The following SLC35A3 variants were observed in gnomAD, a reference collection of about 807,000 sequenced individuals.
The protein encoded by SLC35A3 is UDP-N-acetylglucosamine transporter.
A neutral mutation model predicts 39.0 loss-of-function variants in SLC35A3; 26 were observed. That is an observed-to-expected ratio of 0.67 (90% CI 0.49 to 0.92). The LOEUF is 0.92. Among genes scored for constraint, SLC35A3 ranks in the 40% least tolerant of loss-of-function variants. SLC35A3 has a pLI of 0.00. For missense variants in SLC35A3, 299 were observed against 371.6 expected, an observed-to-expected ratio of 0.80 and a Z score of 1.61; for synonymous variants, 135 against 133.1, an observed-to-expected ratio of 1.01 and a Z score of -0.10.
intron 2 of SLC35A3, among the ~76,000 whole-genome samples, chr1:99,998,155 C>CTTT (rs544309699): frequency 6.7e-5 from 9 of 133,720 alleles, no homozygotes; most frequent in African/African-American, 2.5e-4. Flanking sequence ...AGTCACATTT[C>CTTT]TTTTTTTTTT....
chr1:99,979,063 A>T (rs533692303), intron 1 of SLC35A3: 16 of 152,228 alleles, frequency 1.1e-4, no homozygotes, highest in Non-Finnish European at 2.1e-4. Flanking sequence ...ATAGATGTAG[A>T]ATTGGAAACA....
intron 1 of SLC35A3, 56 bp from the exon 2 acceptor site, chr1:99,993,481 A>C: frequency 6.9e-7 from 1 of 1,439,798 alleles, no homozygotes; most frequent in Admixed American, 1.9e-5. Flanking sequence ...TTTTAAATAT[A>C]CTAGTTTTCA....
intron 3 of SLC35A3, 29 bp downstream of exon 3, chr1:99,999,444 A>T (rs1407585084): frequency 1.3e-6 from 2 of 1,514,992 alleles, no homozygotes; most frequent in African/African-American, 1.4e-5. Flanking sequence ...TTTCTTTTTT[A>T]AAAAAACTTT....
At chr1:99,989,442 C>G (rs760401385) in intron 1 of SLC35A3, among the ~76,000 whole-genome samples, 1 of 151,970 alleles carries the variant, frequency 6.6e-6, no homozygotes, top group Non-Finnish European at 1.5e-5. Flanking sequence ...TGCAAGCATG[C>G]CTGGCTAATT....
Position 100,015,260 on chromosome 1 carries a change from A to T in SLC35A3, c.635-42A>T, listed in dbSNP as rs887881404. ...CAGTGGAAAAAATATATCTCTTCAGACAAACTAAACGATATATCATGTAGA... is the reference window on the plus strand; with the variant it reads ...CAGTGGAAAAAATATATCTCTTCAGTCAAACTAAACGATATATCATGTAGA... On this transcript the variant is annotated intron_variant, in intron 5 of 7. Transcript: ENST00000533028. The T allele has an allele frequency of 2.0e-6, 3 of 1,491,908 alleles. No individual in the cohort carries two copies. The Admixed American group carries it at 6.8e-5, about 34-fold the overall frequency. 92.4% of individuals were successfully genotyped at this position (1,491,908 alleles called of 1,614,324 possible). A position where few individuals can be genotyped will look rare whatever the true frequency, so the allele number is the denominator to read the frequency against.
intron 3 of SLC35A3, chr1:100,000,855 C>T (rs1235369682): frequency 6.6e-6 from 1 of 151,602 alleles, no homozygotes. Context: ...CTTATGTTTA[C>T]ATCTTTAATC....
At chr1:99,988,655 C>T (rs1657893906) in intron 1 of SLC35A3, among the ~76,000 whole-genome samples, 1 of 147,440 alleles carries the variant, frequency 6.8e-6, no homozygotes, top group African/African-American at 2.5e-5. Context: ...CTCTCCTCCC[C>T]TCCTCTCGTT....
intron 5 of SLC35A3, among the ~76,000 whole-genome samples, chr1:100,013,914 C>T (rs1346244804): frequency 3.3e-5 from 5 of 152,112 alleles, no homozygotes; most frequent in South Asian, 2.1e-4. Context: ...AATTGCTTTA[C>T]GCTTGCACTC....
chr1:100,002,215 T>C (rs1039196461), intron 3 of SLC35A3, among the ~76,000 whole-genome samples: 2 of 152,194 alleles, frequency 1.3e-5, no homozygotes, highest in African/African-American at 4.8e-5. Flanking sequence ...ATAAGTTCAG[T>C]AGAATTCAGA....
chr1:100,033,733 A>G lies in SLC35A3; in HGVS notation c.*11257A>G, dbSNP rs2101562770. On this transcript the variant is annotated 3_prime_UTR_variant, in exon 8 of 8. Coordinates refer to ENST00000533028, the MANE Select transcript of SLC35A3 (RefSeq NM_012243.3). ...CCGTCAGTGAATATATTATCTGTTC[A>G]TATTTTCTGTAGTCTTATTTCTTTT... is the stretch of plus-strand genomic sequence containing the variant. 6.6e-6 allele frequency: 1 copy of G among 152,272 alleles called. No homozygotes were observed. Among genetic ancestry groups the G allele is most frequent in the East Asian group, 1.9e-4 (1 of 5,188 alleles). 9.4% of individuals were successfully genotyped at this position (152,272 alleles called of 1,614,324 possible). A position where few individuals can be genotyped will look rare whatever the true frequency, so the allele number is the denominator to read the frequency against.
Position 100,015,310 on chromosome 1 carries a change from G to T in SLC35A3, c.643G>T (p.Gly215Ter). The change falls in exon 6 of 8, where the codon GGA (glycine) becomes TGA (stop). Residue 215 changes from glycine to a stop codon, truncating the protein, a stop_gained. Transcript: ENST00000533028. LOFTEE classifies it high-confidence loss of function. ...WIRNIQLGFFGSIFGLMGVYI... is the reference protein window; with the variant it reads ...WIRNIQLGFF ...ACTTTACTTTTTTTTAGGTTTCTTT[G>T]GAAGTATATTTGGATTAATGGGTGT... 1 of 1,599,364 alleles carries T rather than the reference G, an allele frequency of 6.3e-7. No individual in the cohort carries two copies. Among genetic ancestry groups the T allele is most frequent in the Non-Finnish European group, 8.5e-7 (1 of 1,174,454 alleles).
intron 1 of SLC35A3, among the ~76,000 whole-genome samples, chr1:99,972,927 T>A (rs1656906185): frequency 6.6e-6 from 1 of 152,336 alleles, no homozygotes; most frequent in African/African-American, 2.4e-5. Context: ...ACAGTCCAAA[T>A]AATTTGCCCT....
At chr1:99,971,310 CTTT>C (rs768562377) in intron 1 of SLC35A3, among the ~76,000 whole-genome samples, 4 of 141,118 alleles carry the variant, frequency 2.8e-5, no homozygotes, top group African/African-American at 2.6e-5. Context: ...CAATATGATT[CTTT>C]TTTTTTTTTT....
At chr1:100,016,807 C>G (rs1219007295) in intron 6 of SLC35A3, among the ~76,000 whole-genome samples, 1 of 152,092 alleles carries the variant, frequency 6.6e-6, no homozygotes, top group African/African-American at 2.4e-5. Context: ...CTTATTCCAG[C>G]AAAGAGAAGA....
intron 3 of SLC35A3, among the ~76,000 whole-genome samples, chr1:100,004,829 T>C (rs1243678671): frequency 6.6e-6 from 1 of 152,188 alleles, no homozygotes; most frequent in East Asian, 1.9e-4. Flanking sequence ...AGTATCAAAC[T>C]CCTGGGCTCA....
At chr1:99,995,448 T>A (rs1278773599) in intron 2 of SLC35A3, among the ~76,000 whole-genome samples, 2 of 152,050 alleles carry the variant, frequency 1.3e-5, no homozygotes, top group African/African-American at 4.8e-5. Context: ...CCACCACACC[T>A]GGCCCTTTTT....
chr1:99,979,812 G>A (rs1047712707), intron 1 of SLC35A3, among the ~76,000 whole-genome samples: 11 of 151,836 alleles, frequency 7.2e-5, no homozygotes, highest in South Asian at 2.1e-4. Context: ...GAGAGGCCGA[G>A]GTGGGTGGAT....
At chr1:100,004,917 C>T (rs575597258) in intron 3 of SLC35A3, among the ~76,000 whole-genome samples, 7 of 151,942 alleles carry the variant, frequency 4.6e-5, no homozygotes, top group Non-Finnish European at 1.0e-4. Context: ...CCACCATGCC[C>T]TGCTAATTTT....
At chr1:99,970,739 CTTTTA>C in intron 1 of SLC35A3, 1 of 790,372 alleles carries the variant, frequency 1.3e-6, no homozygotes, top group Middle Eastern at 2.3e-4. Flanking sequence ...AAAAGACGAT[CTTTTA>C]TTATGTTCTC....
Sources: gnomAD v4.1 joint callset for allele counts (sites outside exome capture counted in the v4.1 genomes callset) on GRCh38, gnomAD v4.1.1 for gene constraint, MANE v1.5 for transcripts, NCBI Gene and HGNC (gene_info 2026-07-23, HGNC 2026-07-21) for gene names.